FLT1: variants seen among roughly 807,000 people sequenced by gnomAD.
The protein encoded by FLT1 is vascular endothelial growth factor receptor 1.
In FLT1, 49 loss-of-function variants were observed where a neutral mutation model predicts 156.3. The observed-to-expected ratio is 0.31, with a 90% CI of 0.25 to 0.40. FLT1 has a LOEUF of 0.40. FLT1 is among the 10% of genes least tolerant of loss of function. The pLI, the probability that FLT1 is intolerant of heterozygous loss-of-function variation, is 1.00. For synonymous variants in FLT1, 594 were observed against 583.8 expected (o/e 1.02, Z -0.25); for missense variants, 1,322 against 1,637.2 (o/e 0.81, Z 3.32).
At chr13:28,314,910 G>T (rs1871140959) in intron 25 of FLT1, among the ~76,000 whole-genome samples, 1 of 152,220 alleles carries the variant, frequency 6.6e-6, no homozygotes, top group Non-Finnish European at 1.5e-5. Flanking sequence ...TTTATGTAAA[G>T]ACTTGAAGGT....
chr13:28,450,869 T>C (rs1215996501), intron 3 of FLT1, among the ~76,000 whole-genome samples: 2 of 152,172 alleles, frequency 1.3e-5, no homozygotes, highest in Non-Finnish European at 2.9e-5. Context: ...CTAGTCTCCC[T>C]CCACCACACC....
At chr13:28,387,343 T>C (rs1874423265) in intron 13 of FLT1, 1 of 1,047,848 alleles carries the variant, frequency 9.5e-7, no homozygotes, top group East Asian at 5.5e-5. Flanking sequence ...ATTTTGTCAA[T>C]TCTTACTTTA....
At chr13:28,478,911 A>C (rs1880693821) in intron 1 of FLT1, among the ~76,000 whole-genome samples, 1 of 152,220 alleles carries the variant, frequency 6.6e-6, no homozygotes, top group African/African-American at 2.4e-5. Flanking sequence ...AATCGATTAC[A>C]AATAATGACA....
chr13:28,384,841 T>C, intron 14 of FLT1, 44 bp downstream of exon 14: 7 of 1,588,980 alleles, frequency 4.4e-6, no homozygotes, highest in Non-Finnish European at 6.0e-6. Context: ...GGGGGGCTGA[T>C]GAAAGATGAG....
intron 3 of FLT1, among the ~76,000 whole-genome samples, chr13:28,438,931 C>T (rs938933160): frequency 7.2e-5 from 11 of 152,102 alleles, no homozygotes; most frequent in South Asian, 6.2e-4. Flanking sequence ...GCGGACAGGC[C>T]GGAGAAGCTG....
intron 15 of FLT1, among the ~76,000 whole-genome samples, chr13:28,348,454 C>T (rs1412206901): frequency 6.6e-6 from 1 of 152,182 alleles, no homozygotes; most frequent in Non-Finnish European, 1.5e-5. Flanking sequence ...ATACACCAAC[C>T]CTTCAGAACA....
At chr13:28,308,769 G>A (rs1870858416) in intron 28 of FLT1, 74 bp downstream of exon 28, 1 of 890,516 alleles carries the variant, frequency 1.1e-6, no homozygotes, top group African/African-American at 1.6e-5. Flanking sequence ...CTACATTACT[G>A]GCGTTGGTGT....
Position 28,387,381 on chromosome 13 carries a change from T to C in FLT1, c.1970-2350A>G. ...CATTATAATAATCTATTTTGACATTTTGAATAAGGGAGGTGCGTTGAACCC... is the reference window on the plus strand; with the variant it reads ...CATTATAATAATCTATTTTGACATTCTGAATAAGGGAGGTGCGTTGAACCC... On this transcript the variant is annotated intron_variant, in intron 13 of 29. Transcript: ENST00000282397. 3 of 1,052,378 alleles carry C rather than the reference T, an allele frequency of 2.9e-6. No homozygotes were observed. The South Asian group carries it at 1.4e-4, about 48-fold the overall frequency. The allele number at this position is 1,052,378 out of a possible 1,614,324, so 65.2% of individuals were successfully genotyped here. A position where few individuals can be genotyped will look rare whatever the true frequency, so the allele number is the denominator to read the frequency against.
In FLT1 at chr13:28,494,848, A is replaced by C. The variant is rs1460073734; in HGVS notation, c.-5T>G. 6.4e-7 allele frequency: 1 copy of C among 1,551,712 alleles called. No homozygotes were observed. The highest frequency in any genetic ancestry group is 1.4e-5 in the African/African-American group (1 of 71,226). ...GGTGTCCCAGTAGCTGACCATGGTG[A>C]GCGCGACGCGGCCTGCTCGCCCGGT... On this transcript the variant is annotated 5_prime_UTR_variant, in exon 1 of 30. Coordinates refer to ENST00000282397, the MANE Select transcript of FLT1 (RefSeq NM_002019.4).
intron 3 of FLT1, among the ~76,000 whole-genome samples, chr13:28,440,431 C>T (rs1031739500): frequency 1.3e-5 from 2 of 152,224 alleles, no homozygotes; most frequent in Admixed American, 6.5e-5. Context: ...GAAGGCTGAA[C>T]CTCTGGCTAC....
intron 3 of FLT1, among the ~76,000 whole-genome samples, chr13:28,443,930 T>C (rs1009208275): frequency 2.6e-5 from 4 of 152,172 alleles, no homozygotes; most frequent in African/African-American, 9.7e-5. Flanking sequence ...AATAGACTTT[T>C]AAATAAGAAA....
chr13:28,391,900 T>C (rs976800480), intron 12 of FLT1, among the ~76,000 whole-genome samples: 3 of 152,198 alleles, frequency 2.0e-5, no homozygotes, highest in Non-Finnish European at 4.4e-5. Flanking sequence ...AACCTTCCCA[T>C]TGCTTATTAC....
At chr13:28,317,999 A>G (rs1264522254) in intron 24 of FLT1, among the ~76,000 whole-genome samples, 1 of 151,948 alleles carries the variant, frequency 6.6e-6, no homozygotes, top group Admixed American at 6.6e-5. Context: ...TCCCTCTGTC[A>G]CCAGGCTGGA....
At chr13:28,402,175 C>T (rs1446527247) in intron 11 of FLT1, among the ~76,000 whole-genome samples, 1 of 152,128 alleles carries the variant, frequency 6.6e-6, no homozygotes, top group Non-Finnish European at 1.5e-5. Context: ...GAAAAAAAAT[C>T]CAAGGTGCTC....
chr13:28,409,830 A>G (rs1320566955), intron 10 of FLT1, among the ~76,000 whole-genome samples: 1 of 152,038 alleles, frequency 6.6e-6, no homozygotes, highest in Non-Finnish European at 1.5e-5. Flanking sequence ...TCAGTACACA[A>G]ATACCATTAC....
intron 14 of FLT1, among the ~76,000 whole-genome samples, chr13:28,377,180 C>A (rs1427026250): frequency 6.6e-6 from 1 of 152,144 alleles, no homozygotes; most frequent in Non-Finnish European, 1.5e-5. Flanking sequence ...TCTTAAATTA[C>A]CTTCATCTTT....
intron 16 of FLT1, among the ~76,000 whole-genome samples, chr13:28,344,599 C>G (rs1041455930): frequency 2.0e-5 from 3 of 152,128 alleles, no homozygotes; most frequent in African/African-American, 7.2e-5. Flanking sequence ...AATGTAAGCT[C>G]TTTTCCCACT....
chr13:28,390,377 T>G (rs1874635493), intron 12 of FLT1, among the ~76,000 whole-genome samples: 1 of 152,170 alleles, frequency 6.6e-6, no homozygotes, highest in South Asian at 2.1e-4. Flanking sequence ...GCATATTTTC[T>G]CCAACTTGGT....
chr13:28,304,170 T>A (rs1870638042), intron 29 of FLT1, among the ~76,000 whole-genome samples: 3 of 152,220 alleles, frequency 2.0e-5, no homozygotes, highest in African/African-American at 7.2e-5. Flanking sequence ...GAGGATACAA[T>A]TTATGGTCTT....
Sources: gnomAD v4.1 joint callset for allele counts (sites outside exome capture counted in the v4.1 genomes callset) on GRCh38, gnomAD v4.1.1 for gene constraint, MANE v1.5 for transcripts, NCBI Gene and HGNC (gene_info 2026-07-23, HGNC 2026-07-21) for gene names.